CKAP5: variants seen among roughly 807,000 people sequenced by gnomAD.
CKAP5 encodes the protein cytoskeleton associated protein 5.
Under a neutral mutation model 232.8 loss-of-function variants are expected in CKAP5, and 27 were observed. That is an observed-to-expected ratio of 0.12 (90% CI 0.09 to 0.16). The LOEUF (loss-of-function observed/expected upper bound fraction) is 0.16. Among genes scored for constraint, CKAP5 ranks in the 10% least tolerant of loss-of-function variants. The pLI is 1.00. For missense variants in CKAP5, 1,838 were observed against 2,424.7 expected (o/e 0.76, Z 5.08); for synonymous variants, 785 against 841.1 (o/e 0.93, Z 1.16).
At chr11:46,787,136 C>T (rs950738664) in intron 16 of CKAP5, among the ~76,000 whole-genome samples, 7 of 152,020 alleles carry the variant, frequency 4.6e-5, no homozygotes, top group African/African-American at 1.7e-4. Context: ...CCAGCCTGGA[C>T]AACTGAGTGA....
chr11:46,809,333 G>C (rs1471143101), intron 7 of CKAP5, 67 bp downstream of exon 7: 1 of 1,062,764 alleles, frequency 9.4e-7, no homozygotes, highest in African/African-American at 1.6e-5. Context: ...GCTCAGCAGA[G>C]TATTCTAATT....
intron 26 of CKAP5, among the ~76,000 whole-genome samples, chr11:46,768,510 T>C (rs1020603906): frequency 1.3e-4 from 20 of 152,226 alleles, no homozygotes; most frequent in Non-Finnish European, 2.9e-4. Flanking sequence ...AAAGACATCT[T>C]TGATATTCAG....
intron 26 of CKAP5, among the ~76,000 whole-genome samples, chr11:46,769,707 A>AG: frequency 6.6e-6 from 1 of 152,050 alleles, no homozygotes; most frequent in East Asian, 1.9e-4. Flanking sequence ...AAAAAAAAAA[A>AG]CAAAACAAAA....
At position 46,771,547 on chromosome 11, in the gene CKAP5, G is replaced by T. The variant is rs929417288; in HGVS notation, c.2992-565C>A. 2.0e-5 allele frequency among the ~76,000 whole-genome samples: 3 copies of T among 152,238 alleles called. No individual in the cohort carries two copies. The East Asian group carries it at 5.8e-4, about 29-fold the overall frequency. On this transcript the variant is annotated intron_variant, in intron 24 of 43. Transcript: ENST00000529230. ...TCCTTGGAGATTTATCTGAATTATT[G>T]TATTTACCAGCAGTTTGTTCTTAAT...
chr11:46,756,739 C>T (rs146537131), intron 35 of CKAP5, among the ~76,000 whole-genome samples: 1 of 149,580 alleles, frequency 6.7e-6, no homozygotes, highest in Non-Finnish European at 1.5e-5. Flanking sequence ...GTTTCCTTGA[C>T]TTTCTGGACC....
intron 26 of CKAP5, among the ~76,000 whole-genome samples, chr11:46,768,583 C>G (rs900921228): frequency 6.6e-5 from 10 of 151,944 alleles, no homozygotes; most frequent in Non-Finnish European, 1.2e-4. Flanking sequence ...GAGTTTTACA[C>G]AGGTAAAATT....
intron 32 of CKAP5, 106 bp downstream of exon 32, chr11:46,761,894 A>C (rs2065158007): frequency 1.2e-6 from 1 of 841,170 alleles, no homozygotes; most frequent in Non-Finnish European, 1.9e-6. Flanking sequence ...GTTGACTAAA[A>C]AGTAGTAAAA....
chr11:46,840,462 C>T, intron 1 of CKAP5, among the ~76,000 whole-genome samples: 1 of 152,176 alleles, frequency 6.6e-6, no homozygotes, highest in Middle Eastern at 3.2e-3. Flanking sequence ...CCTGGCTTTA[C>T]CTTAACATAC....
intron 32 of CKAP5, among the ~76,000 whole-genome samples, chr11:46,761,701 C>A (rs895914312): frequency 2.0e-5 from 3 of 152,216 alleles, no homozygotes; most frequent in Non-Finnish European, 4.4e-5. Context: ...ACAGAGCAGA[C>A]TGCCAGGCAG....
At chr11:46,833,467 T>TTATTA in intron 1 of CKAP5, among the ~76,000 whole-genome samples, 1 of 151,030 alleles carries the variant, frequency 6.6e-6, no homozygotes, top group East Asian at 2.0e-4. Context: ...TACTATATTA[T>TTATTA]TGTTATTATT....
chr11:46,779,861 G>T (rs1565731456), intron 20 of CKAP5, among the ~76,000 whole-genome samples: 1 of 151,702 alleles, frequency 6.6e-6, no homozygotes, highest in Admixed American at 6.6e-5. Flanking sequence ...GGCTCAGGGG[G>T]TCCTCCTGCC....
chr11:46,763,341 C>A, intron 29 of CKAP5, 140 bp downstream of exon 29: 1 of 968,838 alleles, frequency 1.0e-6, no homozygotes. Context: ...TTCATTTATT[C>A]TACCAAATAA....
rs572507718 is a variant in CKAP5, at chr11:46,812,567, A to G, written c.459-1389T>C. ...TATCTAATGTGCACAAATTTATCTC[A>G]TGTGAGCAAATGCAACAAAATTACT... On this transcript the variant is annotated intron_variant, in intron 4 of 43. Transcript: ENST00000529230. 1.2e-4 allele frequency among the ~76,000 whole-genome samples: 19 copies of G among 152,236 alleles called. 1 individual carries two copies. The South Asian group carries it at 3.5e-3, about 28-fold the overall frequency.
rs1395318183 is a variant in CKAP5 at position 46,845,885 on chromosome 11, C to A, written c.-38+335G>T. Among the ~76,000 whole-genome samples, 3 of 152,250 alleles carry A rather than the reference C, an allele frequency of 2.0e-5. No homozygotes were observed. In the South Asian group the frequency reaches 6.2e-4, roughly 32 times the overall value. On this transcript the variant is annotated intron_variant, in intron 1 of 43. Transcript: ENST00000529230. ...TCTAGCAGGGCCGGCTCTCGGGGCC[C>A]CCGCCCTAGTCTTGGTAAATCGCTG...
chr11:46,845,585 C>T (rs1455350688), intron 1 of CKAP5, among the ~76,000 whole-genome samples: 2 of 152,172 alleles, frequency 1.3e-5, no homozygotes, highest in African/African-American at 4.8e-5. Flanking sequence ...AGGCCCAACC[C>T]ACACTGCTGG....
chr11:46,811,539 T>C (rs1939275185), intron 4 of CKAP5, among the ~76,000 whole-genome samples: 1 of 152,194 alleles, frequency 6.6e-6, no homozygotes. Context: ...TGGTATGGCA[T>C]GATTGCAGCT....
At chr11:46,766,921 A>G (rs1456658289) in intron 27 of CKAP5, among the ~76,000 whole-genome samples, 1 of 152,212 alleles carries the variant, frequency 6.6e-6, no homozygotes, top group Non-Finnish European at 1.5e-5. Flanking sequence ...ACATCTTCTA[A>G]TATGATGACA....
In CKAP5 at chr11:46,750,452, G is replaced by T; in HGVS notation, c.5545-19C>A. On this transcript the variant is annotated intron_variant, in intron 41 of 43. Coordinates refer to ENST00000529230, the MANE Select transcript of CKAP5 (RefSeq NM_001008938.4). ...CTAGTCCCTGGTGAACAGGAAAAGG[G>T]AAGAGGTGGGGATGAATGTTAGTGT... 1 of 1,613,812 alleles carries T rather than the reference G, an allele frequency of 6.2e-7. No individual in the cohort carries two copies. Among genetic ancestry groups the T allele is most frequent in the Non-Finnish European group, 8.5e-7 (1 of 1,179,812 alleles).
chr11:46,799,408 A>C (rs1938974762), intron 9 of CKAP5, among the ~76,000 whole-genome samples: 1 of 152,210 alleles, frequency 6.6e-6, no homozygotes, highest in South Asian at 2.1e-4. Flanking sequence ...GGAAAAATAC[A>C]AGACTTTTTA....
Sources: allele counts gnomAD v4.1 joint callset (sites outside exome capture counted in the v4.1 genomes callset), GRCh38; gene constraint gnomAD v4.1.1; transcripts MANE v1.5; gene names NCBI Gene and HGNC (gene_info 2026-07-23, HGNC 2026-07-21).